The following THSD4 variants were observed in gnomAD, a reference collection of about 807,000 sequenced individuals.
THSD4 encodes thrombospondin type 1 domain containing 4, also known as thrombospondin type-1 domain-containing protein 4.
Under a neutral mutation model 119.0 loss-of-function variants are expected in THSD4, and 69 were observed. That is an observed-to-expected ratio of 0.58 (90% confidence interval 0.48 to 0.71). The LOEUF (loss-of-function observed/expected upper bound fraction) is 0.71. Ranked by LOEUF, THSD4 falls within the 30% of genes least tolerant of loss-of-function variation. The pLI is 0.00. For synonymous variants in THSD4, 524 were observed against 540.4 expected, an observed-to-expected ratio of 0.97 and a Z score of 0.42; for missense variants, 1,393 against 1,391.1, an observed-to-expected ratio of 1.00 and a Z score of -0.02.
rs1310541040 is a variant in THSD4, at chr15:71,442,616, GTGTA to G, written c.1152+30795_1152+30798del. Reference sequence around the variant, plus strand: ...TATATATATATGTGTGTGTGTGTGTGTGTATATATATATGTATGTGTGTGTATAT... The same window carrying G: ...TATATATATATGTGTGTGTGTGTGTGTATATATATGTATGTGTGTGTATAT... On this transcript the variant is annotated intron_variant, in intron 7 of 17. Coordinates refer to ENST00000261862, the MANE Select transcript of THSD4 (RefSeq NM_024817.3). Among the ~76,000 whole-genome samples, 5 of 53,182 alleles carry G rather than the reference GTGTA, an allele frequency of 9.4e-5. 1 individual carries two copies. The highest frequency in any genetic ancestry group is 8.7e-4 in the East Asian group (2 of 2,298). The allele number at this position is 53,182 out of a possible 152,430, so 34.9% of individuals were successfully genotyped here.
intron 16 of THSD4, among the ~76,000 whole-genome samples, chr15:71,768,835 C>T (rs1373009758): frequency 6.7e-6 from 1 of 150,186 alleles, no homozygotes; most frequent in Non-Finnish European, 1.5e-5. Context: ...GCCTCTGCCT[C>T]CCAAAGTGCT....
At chr15:71,744,463 A>G (rs538867234) in intron 11 of THSD4, among the ~76,000 whole-genome samples, 1 of 152,244 alleles carries the variant, frequency 6.6e-6, no homozygotes, top group African/African-American at 2.4e-5. Context: ...CTTTATTAGA[A>G]GAACATGAAA....
chr15:71,490,113 C>T (rs1336345766), intron 7 of THSD4, among the ~76,000 whole-genome samples: 1 of 152,084 alleles, frequency 6.6e-6, no homozygotes, highest in Admixed American at 6.6e-5. Flanking sequence ...TATTGCTAGG[C>T]ATTCAGGTGA....
At chr15:71,111,782 G>A (rs1375666845), upstream of THSD4, 5 of 515,740 alleles carry the variant, frequency 9.7e-6, no homozygotes, top group Admixed American at 7.4e-5. Flanking sequence ...CTTTCCTGCT[G>A]GGACACAATT....
intron 7 of THSD4, among the ~76,000 whole-genome samples, chr15:71,479,037 G>A (rs1166593438): frequency 6.6e-6 from 1 of 151,426 alleles, no homozygotes; most frequent in Non-Finnish European, 1.5e-5. Context: ...TAGTGCAGTG[G>A]CAGTCGAGGG....
At chr15:71,456,380 TG>T (rs1312326093) in intron 7 of THSD4, among the ~76,000 whole-genome samples, 1 of 152,208 alleles carries the variant, frequency 6.6e-6, no homozygotes, top group Non-Finnish European at 1.5e-5. Flanking sequence ...ATGGTGAAGA[TG>T]CTTAAATGAT....
chr15:71,557,931 G>C (rs971339285), intron 7 of THSD4, among the ~76,000 whole-genome samples: 1 of 151,982 alleles, frequency 6.6e-6, no homozygotes, highest in African/African-American at 2.4e-5. Flanking sequence ...TTTTGGCTTT[G>C]TTCTTCCTCT....
chr15:71,273,687 A>G lies in THSD4; in HGVS notation c.1015+16972A>G, dbSNP rs189379457. Among the ~76,000 whole-genome samples, 998 of 152,326 alleles carry G rather than the reference A, an allele frequency of 6.6e-3. 3 individuals carry two copies. The highest frequency in any genetic ancestry group is 0.014 in the Middle Eastern group (4 of 294). ...GAAATAAAATTTAAAAATACACAGT[A>G]TCATTTTGAGACTCATTTAGAATTA... is the stretch of plus-strand genomic sequence containing the variant. On this transcript the variant is annotated intron_variant, in intron 6 of 17. Transcript: ENST00000261862.
At chr15:71,655,361 C>A (rs761719200) in intron 7 of THSD4, among the ~76,000 whole-genome samples, 1 of 152,020 alleles carries the variant, frequency 6.6e-6, no homozygotes, top group African/African-American at 2.4e-5. Context: ...TTTTGCACTT[C>A]AAAGTTTTCT....
rs1328564336 is a variant in THSD4, at chr15:71,745,184, T to G, written c.1985T>G (p.Met662Arg). 6.2e-7 allele frequency: 1 copy of G among 1,613,110 alleles called. No homozygotes were observed. The change falls in exon 12 of 18, where the codon ATG becomes AGG. Residue 662 changes from methionine to arginine, a missense_variant. Coordinates refer to ENST00000261862, the MANE Select transcript of THSD4 (RefSeq NM_024817.3). ...CCTGAGAGTTACTGTGACTCCAGCA[T>G]GAAGCCGACCCCCGAGGAGGAGCCC... ...EAPESYCDSS[M>R]KPTPEEEPCN...
chr15:71,560,315 A>C (rs1056659696), intron 7 of THSD4, among the ~76,000 whole-genome samples: 2 of 152,256 alleles, frequency 1.3e-5, no homozygotes, highest in African/African-American at 4.8e-5. Context: ...ATTCTGAATT[A>C]AATTCAACAA....
At chr15:71,581,305 A>G (rs1298423378) in intron 7 of THSD4, among the ~76,000 whole-genome samples, 2 of 152,136 alleles carry the variant, frequency 1.3e-5, no homozygotes, top group Non-Finnish European at 2.9e-5. Flanking sequence ...TTCCTTGGTG[A>G]TTAGTGATAT....
intron 4 of THSD4, 116 bp downstream of exon 4, chr15:71,215,515 T>C: frequency 1.8e-6 from 2 of 1,108,706 alleles, no homozygotes; most frequent in Non-Finnish European, 2.4e-6. Flanking sequence ...AATGCATTGC[T>C]CTGCCAGGTG....
chr15:71,407,527 C>T (rs1018398600), intron 6 of THSD4, among the ~76,000 whole-genome samples: 1 of 151,782 alleles, frequency 6.6e-6, no homozygotes, highest in African/African-American at 2.4e-5. Context: ...AACTTGTATT[C>T]GAGTGTAAAC....
At chr15:71,435,738 G>A (rs1192374475) in intron 7 of THSD4, among the ~76,000 whole-genome samples, 8 of 152,294 alleles carry the variant, frequency 5.3e-5, no homozygotes, top group East Asian at 1.9e-4. Context: ...ACATGGACAC[G>A]TGGCCACATG....
At position 71,115,590 on chromosome 15, in the gene THSD4, G is replaced by A. The variant is rs933222367; in HGVS notation, c.-188G>A. On this transcript the variant is annotated 5_prime_UTR_variant, in exon 1 of 18. Transcript: ENST00000261862. The surrounding 1 kb of genome is among the most constrained non-coding windows in gnomAD (Gnocchi z 4.4). The stretch of plus-strand genomic sequence containing the variant: ...GGCGGGCGCGGGGCGGCTGGGCGGC[G>A]GTGGCGGCCGTCCATGCGGCGGCGC... 2 of 148,614 alleles carry A rather than the reference G, an allele frequency of 1.3e-5. No individual in the cohort carries two copies. Among genetic ancestry groups the A allele is most frequent in the African/African-American group, 4.9e-5 (2 of 41,050 alleles). The allele number at this position is 148,614 out of a possible 1,614,324, so 9.2% of individuals were successfully genotyped here.
intron 3 of THSD4, among the ~76,000 whole-genome samples, chr15:71,160,195 A>C (rs1290424487): frequency 6.6e-6 from 1 of 151,996 alleles, no homozygotes; most frequent in Non-Finnish European, 1.5e-5. Flanking sequence ...AATAATATTT[A>C]TAATATGCTA....
At chr15:71,351,717 T>G (rs1409953665) in intron 6 of THSD4, among the ~76,000 whole-genome samples, 1 of 152,232 alleles carries the variant, frequency 6.6e-6, no homozygotes, top group African/African-American at 2.4e-5. Flanking sequence ...GTGGCCTCTC[T>G]GCTGGGCTGG....
rs545466561 is a variant in THSD4 at position 71,708,061 on chromosome 15, T to C, written c.1358-20488T>C. ...ACTGAGTTCCCTTCCATCTGTACTGTCTGGGAAGTTTTGTGGAAGTCCTGC... is the reference window on the plus strand; with the variant it reads ...ACTGAGTTCCCTTCCATCTGTACTGCCTGGGAAGTTTTGTGGAAGTCCTGC... On this transcript the variant is annotated intron_variant, in intron 8 of 17. Transcript: ENST00000261862. 7.2e-5 allele frequency among the ~76,000 whole-genome samples: 11 copies of C among 152,308 alleles called. No homozygotes were observed. In the East Asian group the frequency reaches 1.9e-3, roughly 27 times the overall value.
Sources: allele counts gnomAD v4.1 joint callset (sites outside exome capture counted in the v4.1 genomes callset), GRCh38; gene constraint gnomAD v4.1.1; non-coding constraint Gnocchi (gnomAD v3.1); transcripts MANE v1.5; gene names NCBI Gene and HGNC (gene_info 2026-07-23, HGNC 2026-07-21).